RYR1: variants seen among roughly 807,000 people sequenced by gnomAD.
RYR1 encodes central core disease of muscle.
A neutral mutation model predicts 583.5 loss-of-function variants in RYR1; 342 were observed. The observed-to-expected ratio is 0.59, with a 90% CI of 0.54 to 0.64. RYR1 has a LOEUF of 0.64. Among genes scored for constraint, RYR1 ranks in the 30% least tolerant of loss-of-function variants. The pLI, the probability that RYR1 is intolerant of heterozygous loss-of-function variation, is 0.00. For missense variants in RYR1, 6,032 were observed against 6,917.2 expected (o/e 0.87, Z 4.54); for synonymous variants, 2,791 against 2,822.5 (o/e 0.99, Z 0.35).
At position 38,496,564 on chromosome 19, in the gene RYR1, G is replaced by A. The variant is rs571197961; in HGVS notation, c.6796+23G>A. On this transcript the variant is annotated intron_variant, in intron 41 of 105. Coordinates refer to ENST00000359596, the MANE Select transcript of RYR1 (RefSeq NM_000540.3). The surrounding 1 kb of genome is among the most constrained non-coding windows in gnomAD (Gnocchi z 4.8). ...TGGGTGAGAACCCCCGAGCCCAGGG[G>A]CTGTCCCCCAGAACCCACTCCTGGC... 1.5e-4 allele frequency: 240 copies of A among 1,612,868 alleles called. 5 individuals carry two copies. In the South Asian group the frequency reaches 2.5e-3, roughly 17 times the overall value.
At position 38,448,805 on chromosome 19, in the gene RYR1, A is replaced by G; in HGVS notation, c.1114A>G (p.Lys372Glu). 2 of 1,613,650 alleles carry G rather than the reference A, an allele frequency of 1.2e-6. No homozygotes were observed. Among genetic ancestry groups the G allele is most frequent in the Non-Finnish European group, 1.7e-6 (2 of 1,179,916 alleles). ...CAAGGCCCTGCGGCTCGGCGTGCTC[A>G]AGAAGAAGGTGGGTGTAATCCCAGC... ...DPKALRLGVL[K>E]KKAMLHQEGH... is the part of the protein sequence containing the mutation. The change falls in exon 11 of 106, where the codon AAG becomes GAG. Residue 372 changes from lysine to glutamate, a missense_variant. Physicochemically the swap from Lys to Glu is moderately conservative, Grantham distance 56. Around this residue, in one of 11 missense-constraint regions of RYR1, gnomAD observed 338 missense variants for 441.6 expected, o/e 0.77. Coordinates refer to ENST00000359596, the MANE Select transcript of RYR1 (RefSeq NM_000540.3).
intron 27 of RYR1, among the ~76,000 whole-genome samples, chr19:38,470,438 G>GAAAAA (rs543327525): frequency 1.3e-5 from 1 of 74,330 alleles, no homozygotes; most frequent in African/African-American, 5.0e-5. Flanking sequence ...CTGTCTCATT[G>GAAAAA]AAAAAAAAAA....
In RYR1 at chr19:38,444,750, C is replaced by G. The variant is rs934706678; in HGVS notation, c.631+73C>G. 58 of 1,171,044 alleles carry G rather than the reference C, an allele frequency of 5.0e-5. No individual in the cohort carries two copies. The highest frequency in any genetic ancestry group is 6.4e-5 in the Non-Finnish European group (51 of 797,354). 72.5% of individuals were successfully genotyped at this position (1,171,044 alleles called of 1,614,324 possible). On this transcript the variant is annotated intron_variant, in intron 7 of 105. Transcript: ENST00000359596. The surrounding 1 kb of genome is among the most constrained non-coding windows in gnomAD (Gnocchi z 5.1). ...CCCTTAATGTTGCCCTTCAGGCATA[C>G]CCAAATGGAGCCTTGGAACCTCAGA...
At chr19:38,553,544 G>A (rs1419070475) in intron 89 of RYR1, among the ~76,000 whole-genome samples, 2 of 151,688 alleles carry the variant, frequency 1.3e-5, no homozygotes, top group Admixed American at 6.6e-5. Context: ...CAGCTCCTCT[G>A]GAGGCTGACT....
chr19:38,489,132 G>A (rs1969433935), intron 34 of RYR1, 45 bp from the exon 35 acceptor site: 1 of 1,573,784 alleles, frequency 6.4e-7, no homozygotes. Flanking sequence ...CCTGATGATG[G>A]AGGCCTTGCA....
At chr19:38,576,778 T>G (rs1390828928) in intron 97 of RYR1, among the ~76,000 whole-genome samples, 3 of 151,670 alleles carry the variant, frequency 2.0e-5, no homozygotes, top group Non-Finnish European at 4.4e-5. Context: ...CCAGCCTGGG[T>G]GACAGAGCGA....
intron 31 of RYR1, among the ~76,000 whole-genome samples, chr19:38,481,536 C>G (rs1429233034): frequency 1.3e-5 from 2 of 152,118 alleles, no homozygotes; most frequent in Non-Finnish European, 2.9e-5. Context: ...TCCCAACCCC[C>G]CAGAAATGTA....
In RYR1 at chr19:38,535,304, C is replaced by T. The variant is rs368822008; in HGVS notation, c.11440-12C>T. ...ACTCCCAGTTTCTCCTCCCCTGCCT[C>T]GCCCTCTGCAGAAAATGCTGGATTA... On this transcript the variant is annotated splice_polypyrimidine_tract_variant and intron_variant, in intron 80 of 105. Coordinates refer to ENST00000359596, the MANE Select transcript of RYR1 (RefSeq NM_000540.3). 2.0e-5 allele frequency: 33 copies of T among 1,614,008 alleles called. No individual in the cohort carries two copies. The highest frequency in any genetic ancestry group is 1.7e-4 in the Middle Eastern group (1 of 6,060).
intron 97 of RYR1, among the ~76,000 whole-genome samples, chr19:38,576,454 AAAT>A (rs1170274593): frequency 1.3e-5 from 2 of 152,240 alleles, no homozygotes; most frequent in Non-Finnish European, 2.9e-5. Context: ...ATCTCAAAAA[AAAT>A]AATAATAACA....
intron 18 of RYR1, 83 bp downstream of exon 18, chr19:38,458,375 C>G (rs1174007490): frequency 3.9e-5 from 56 of 1,418,344 alleles, no homozygotes; most frequent in Non-Finnish European, 5.5e-5. Flanking sequence ...CCTTGGGGTT[C>G]TCAGGATCCT....
At position 38,528,358 on chromosome 19, in the gene RYR1, A is replaced by C; in HGVS notation, c.10877A>C (p.Lys3626Thr). ...GCCGTGTGGCACAAGCTTTTGTCCA[A>C]ACAGCGCCGGCGGGCAGTCGTGGCC... ...KKAVWHKLLS[K>T]QRRRAVVACF... The change falls in exon 74 of 106, where the codon AAA becomes ACA. Residue 3626 changes from lysine (K) to threonine (T), a missense_variant. Physicochemically the swap from Lys to Thr is moderately conservative, Grantham distance 78. Coordinates refer to ENST00000359596, the MANE Select transcript of RYR1 (RefSeq NM_000540.3). 6.2e-7 allele frequency: 1 copy of C among 1,614,056 alleles called. No homozygotes were observed. Among genetic ancestry groups the C allele is most frequent in the Non-Finnish European group, 8.5e-7 (1 of 1,179,988 alleles).
chr19:38,473,883 G>A, intron 28 of RYR1, 112 bp downstream of exon 28: 1 of 745,308 alleles, frequency 1.3e-6, no homozygotes, highest in Non-Finnish European at 2.1e-6. Flanking sequence ...ACCCATATAT[G>A]CTAAGTGGAG....
intron 71 of RYR1, 70 bp downstream of exon 71, chr19:38,525,572 T>C: frequency 6.5e-7 from 1 of 1,533,418 alleles, no homozygotes; most frequent in Non-Finnish European, 8.9e-7. Flanking sequence ...CCTGGGACCT[T>C]AGGGAACAAC....
At chr19:38,527,083 G>A in intron 72 of RYR1, 31 bp downstream of exon 72, 1 of 1,611,798 alleles carries the variant, frequency 6.2e-7, no homozygotes, top group Non-Finnish European at 8.5e-7. Context: ...AGCAAAAGAA[G>A]CAAGTCAGAA....
chr19:38,560,454 C>A (rs917551790), intron 89 of RYR1, among the ~76,000 whole-genome samples: 2 of 151,756 alleles, frequency 1.3e-5, no homozygotes, highest in Admixed American at 1.3e-4. Flanking sequence ...TATGGCTGGG[C>A]GCGGTGGCAC....
chr19:38,514,388 C>A (rs927329650), intron 63 of RYR1, among the ~76,000 whole-genome samples: 3 of 150,206 alleles, frequency 2.0e-5, no homozygotes, highest in Admixed American at 6.7e-5. Context: ...TCAAGTGATT[C>A]TCCTGCCTCA....
At chr19:38,494,260 CA>C (rs1264084933) in intron 38 of RYR1, 91 bp from the exon 39 acceptor site, 2 of 1,513,320 alleles carry the variant, frequency 1.3e-6, no homozygotes, top group Non-Finnish European at 9.1e-7. Context: ...ACTTCTGGAA[CA>C]GGGGGCCCCT....
chr19:38,532,788 A>C, intron 78 of RYR1, 52 bp downstream of exon 78: 1 of 1,559,616 alleles, frequency 6.4e-7, no homozygotes, highest in South Asian at 1.1e-5. Context: ...CCCTGACTGC[A>C]GTCATCTCCC....
At chr19:38,461,154 AAAACAAAC>A (rs143176132) in intron 20 of RYR1, among the ~76,000 whole-genome samples, 20 of 151,130 alleles carry the variant, frequency 1.3e-4, no homozygotes, top group South Asian at 2.1e-4. Flanking sequence ...ACTTCATCTC[AAAACAAAC>A]AAACAAACAA....
Sources: allele counts gnomAD v4.1 joint callset (sites outside exome capture counted in the v4.1 genomes callset), GRCh38; gene constraint gnomAD v4.1.1; regional missense constraint gnomAD v4.1.1; non-coding constraint Gnocchi (gnomAD v3.1); transcripts MANE v1.5; gene names NCBI Gene and HGNC (gene_info 2026-07-23, HGNC 2026-07-21).